The following ARHGAP42 variants were observed in gnomAD, a reference collection of about 807,000 sequenced individuals.
The protein encoded by ARHGAP42 is Rho GTPase activating protein 42, also known as rho GTPase-activating protein 42.
In ARHGAP42, 63 loss-of-function variants were observed where a neutral mutation model predicts 125.0. The ratio of observed to expected loss-of-function variants is 0.50; its 90% CI spans 0.41 to 0.62. The LOEUF (loss-of-function observed/expected upper bound fraction) is 0.62, where lower values mean the gene tolerates loss of function less well. Ranked by LOEUF, ARHGAP42 falls within the 20% of genes least tolerant of loss-of-function variation. The pLI, the probability that ARHGAP42 is intolerant of heterozygous loss-of-function variation, is 0.00. For synonymous variants in ARHGAP42, 339 were observed against 351.0 expected (o/e 0.97, Z 0.38); for missense variants, 766 against 1,024.2 (o/e 0.75, Z 3.44).
chr11:100,817,755 C>T (rs1864302378), intron 3 of ARHGAP42, among the ~76,000 whole-genome samples: 1 of 152,156 alleles, frequency 6.6e-6, no homozygotes, highest in South Asian at 2.1e-4. Context: ...TTGAGGCCTA[C>T]CCATTAATGC....
intron 1 of ARHGAP42, among the ~76,000 whole-genome samples, chr11:100,706,835 C>A (rs1861488462): frequency 1.3e-5 from 2 of 152,254 alleles, no homozygotes; most frequent in East Asian, 3.9e-4. Flanking sequence ...ACAACCATTA[C>A]TGCTATCTAA....
chr11:100,923,540 A>T (rs767134078), intron 6 of ARHGAP42, among the ~76,000 whole-genome samples: 1 of 151,302 alleles, frequency 6.6e-6, no homozygotes, highest in Non-Finnish European at 1.5e-5. Context: ...CATCAGATGT[A>T]TACAGAGGAG....
At chr11:100,910,196 G>A (rs1029634208) in intron 4 of ARHGAP42, among the ~76,000 whole-genome samples, 5 of 152,022 alleles carry the variant, frequency 3.3e-5, no homozygotes, top group African/African-American at 4.8e-5. Context: ...GACAGTAGTT[G>A]CCTTCTGTCT....
chr11:100,953,437 A>C (rs1857717990), intron 12 of ARHGAP42, among the ~76,000 whole-genome samples: 1 of 152,214 alleles, frequency 6.6e-6, no homozygotes, highest in South Asian at 2.1e-4. Flanking sequence ...AATGCCAGCC[A>C]TTTAGAAGCA....
chr11:100,931,483 G>A (rs904312142), intron 6 of ARHGAP42, among the ~76,000 whole-genome samples: 28 of 152,248 alleles, frequency 1.8e-4, no homozygotes, highest in South Asian at 2.1e-4. Flanking sequence ...CAGGGGATTC[G>A]TTGTTTTATA....
chr11:100,837,666 C>CTATTTTTTTTTT (rs1555008871), intron 3 of ARHGAP42, among the ~76,000 whole-genome samples: 1 of 61,040 alleles, frequency 1.6e-5, no homozygotes, highest in African/African-American at 7.1e-5. Flanking sequence ...AGGTGTCATC[C>CTATTTTTTTTTT]TTTTTTTTTT....
chr11:100,897,397 G>A (rs1415927326), intron 4 of ARHGAP42, among the ~76,000 whole-genome samples: 1 of 152,166 alleles, frequency 6.6e-6, no homozygotes, highest in Non-Finnish European at 1.5e-5. Context: ...GTAGCTTGAT[G>A]GGGATGGCAT....
At chr11:100,735,353 T>C (rs1862044426) in intron 1 of ARHGAP42, among the ~76,000 whole-genome samples, 1 of 152,158 alleles carries the variant, frequency 6.6e-6, no homozygotes, top group South Asian at 2.1e-4. Context: ...TTTAAGAGGC[T>C]TGCTTTGTGA....
At chr11:100,913,089 C>T (rs2135231096) in intron 4 of ARHGAP42, among the ~76,000 whole-genome samples, 1 of 152,038 alleles carries the variant, frequency 6.6e-6, no homozygotes. Context: ...CATCTCAGAC[C>T]CACTGGATCA....
rs1191035077 is a variant in ARHGAP42, at chr11:100,987,447, G to A, written c.2457-66G>A. The A allele has an allele frequency of 2.4e-6, 3 of 1,272,112 alleles. No homozygotes were observed. The African/African-American group carries it at 4.5e-5, about 19-fold the overall frequency. 78.8% of individuals were successfully genotyped at this position (1,272,112 alleles called of 1,614,324 possible). ...AAAAATTAATAGCATTCTTGAAGAA[G>A]AGTTTTAAATATAGATGTCCTTAGG... On this transcript the variant is annotated intron_variant, in intron 22 of 23. Coordinates refer to ENST00000298815, the MANE Select transcript of ARHGAP42 (RefSeq NM_152432.4).
chr11:100,770,564 T>G, intron 2 of ARHGAP42, 126 bp downstream of exon 2: 1 of 739,412 alleles, frequency 1.4e-6, no homozygotes, highest in Non-Finnish European at 2.0e-6. Context: ...AGAGTGATTT[T>G]AGGTTTCTAT....
At chr11:100,968,055 A>G (rs1394773420) in intron 17 of ARHGAP42, among the ~76,000 whole-genome samples, 1 of 152,058 alleles carries the variant, frequency 6.6e-6, no homozygotes, top group Non-Finnish European at 1.5e-5. Flanking sequence ...TTTTATCTTT[A>G]TCTCTAATAG....
At chr11:100,789,706 G>A (rs1477903026) in intron 2 of ARHGAP42, among the ~76,000 whole-genome samples, 1 of 152,222 alleles carries the variant, frequency 6.6e-6, no homozygotes, top group African/African-American at 2.4e-5. Flanking sequence ...TGCACTGGAA[G>A]GCCGCCTTGG....
chr11:100,806,093 T>G (rs528494), intron 3 of ARHGAP42, among the ~76,000 whole-genome samples: 121,231 of 152,008 alleles, frequency 0.8, 48,432 homozygotes, highest in Middle Eastern at 0.85. Context: ...TAATACTTAG[T>G]CATATATTTC....
At chr11:100,828,441 C>T (rs1172053371) in intron 3 of ARHGAP42, among the ~76,000 whole-genome samples, 4 of 152,118 alleles carry the variant, frequency 2.6e-5, no homozygotes, top group African/African-American at 9.7e-5. Flanking sequence ...AAGGAAACTA[C>T]CTCATTGTCT....
In ARHGAP42 at chr11:100,843,132, A is replaced by C. The variant is rs369987627; in HGVS notation, c.313-16422A>C. Among the ~76,000 whole-genome samples the C allele has an allele frequency of 5.3e-5, 8 of 152,160 alleles. No homozygotes were observed. The South Asian group carries it at 1.4e-3, about 28-fold the overall frequency. ...AGCTCAAATAGAAACAAAATGGGAG[A>C]TATTACAACTGACACCACGGAAATA... On this transcript the variant is annotated intron_variant, in intron 3 of 23. Transcript: ENST00000298815.
chr11:100,744,384 T>C (rs550789817), intron 1 of ARHGAP42, among the ~76,000 whole-genome samples: 1 of 152,348 alleles, frequency 6.6e-6, no homozygotes, highest in African/African-American at 2.4e-5. Flanking sequence ...TCTGGTATTT[T>C]AAAGATTTTG....
intron 1 of ARHGAP42, among the ~76,000 whole-genome samples, chr11:100,721,368 A>ATG (rs1861755275): frequency 6.6e-6 from 1 of 152,182 alleles, no homozygotes; most frequent in African/African-American, 2.4e-5. Flanking sequence ...AGTTGGAATC[A>ATG]TGCAATGTAT....
chr11:100,918,311 C>G (rs1462041725), intron 5 of ARHGAP42, among the ~76,000 whole-genome samples: 1 of 152,152 alleles, frequency 6.6e-6, no homozygotes, highest in East Asian at 1.9e-4. Context: ...ATCTTTTCTC[C>G]TTGGGAAAAT....
Sources: gnomAD v4.1 joint callset for allele counts (sites outside exome capture counted in the v4.1 genomes callset) on GRCh38, gnomAD v4.1.1 for gene constraint, MANE v1.5 for transcripts, NCBI Gene and HGNC (gene_info 2026-07-23, HGNC 2026-07-21) for gene names.